The following DMXL2 variants were observed in gnomAD, a reference collection of about 807,000 sequenced individuals.
DMXL2 encodes Dmx like 2, also known as dmX-like protein 2.
Under a neutral mutation model 331.1 loss-of-function variants are expected in DMXL2, and 103 were observed. The ratio of observed to expected loss-of-function variants is 0.31; its 90% CI spans 0.27 to 0.37. DMXL2 has a LOEUF of 0.37. Ranked by LOEUF, DMXL2 falls within the 10% of genes least tolerant of loss-of-function variation. The pLI is 1.00. For missense variants in DMXL2, 3,171 were observed against 3,642.9 expected, an observed-to-expected ratio of 0.87 and a Z score of 3.33; for synonymous variants, 1,281 against 1,252.1, an observed-to-expected ratio of 1.02 and a Z score of -0.49.
chr15:51,564,349 T>A, intron 4 of DMXL2, 89 bp from the exon 5 acceptor site: 2 of 997,626 alleles, frequency 2.0e-6, no homozygotes, highest in Non-Finnish European at 2.7e-6. Flanking sequence ...TGTAAACTAT[T>A]AATATTATGT....
chr15:51,520,839 A>G (rs2047317325), intron 13 of DMXL2, among the ~76,000 whole-genome samples: 1 of 152,206 alleles, frequency 6.6e-6, no homozygotes. Context: ...CCTGGATGAC[A>G]GAGCAAGATT....
rs1015948914 is a variant in DMXL2 at position 51,464,893 on chromosome 15, T to C, written c.7607-17A>G. On this transcript the variant is annotated splice_polypyrimidine_tract_variant and intron_variant, in intron 31 of 43. Coordinates refer to ENST00000560891, the MANE Select transcript of DMXL2 (RefSeq NM_001378457.1). ...CAGGCAGCTCTACAAGGTGACAGAA[T>C]ATGTTATTTATTTTAATAAAAAATA... is the stretch of plus-strand genomic sequence containing the variant. The C allele has an allele frequency of 6.4e-7, 1 of 1,572,574 alleles. No homozygotes were observed. Among genetic ancestry groups the C allele is most frequent in the Non-Finnish European group, 8.7e-7 (1 of 1,155,516 alleles).
intron 17 of DMXL2, among the ~76,000 whole-genome samples, chr15:51,501,078 C>T (rs2043559146): frequency 1.3e-5 from 2 of 152,128 alleles, no homozygotes; most frequent in African/African-American, 4.8e-5. Context: ...CTCCAATAAA[C>T]TTATTTGAGT....
rs557928788 is a variant in DMXL2 at position 51,477,551 on chromosome 15, A to G, written c.6833+720T>C. On this transcript the variant is annotated intron_variant, in intron 26 of 43. Transcript: ENST00000560891. The stretch of plus-strand genomic sequence containing the variant: ...GATAGATAATTCTTTACTTGATACC[A>G]AATGTTCCCACAAAAGGCTGCTACC... 2.0e-5 allele frequency among the ~76,000 whole-genome samples: 3 copies of G among 152,166 alleles called. No homozygotes were observed. In the South Asian group the frequency reaches 6.2e-4, roughly 32 times the overall value.
chr15:51,616,756 G>A lies in DMXL2; in HGVS notation c.87+5703C>T, dbSNP rs187031514. On this transcript the variant is annotated intron_variant, in intron 1 of 43. Transcript: ENST00000560891. ...AGTTCAAGCCAGCCTGGCCAACATC[G>A]TGAAATCCTGTCTCTACTAAAAATA... Among the ~76,000 whole-genome samples the A allele has an allele frequency of 4.6e-3, 701 of 152,004 alleles. 3 individuals carry two copies. Among genetic ancestry groups the A allele is most frequent in the Non-Finnish European group, 7.8e-3 (529 of 67,958 alleles).
chr15:51,487,738 G>A (rs930315727), intron 22 of DMXL2, among the ~76,000 whole-genome samples: 2 of 152,138 alleles, frequency 1.3e-5, no homozygotes, highest in Admixed American at 6.5e-5. Context: ...GATTACAGGC[G>A]TGAGCCACCA....
intron 28 of DMXL2, among the ~76,000 whole-genome samples, chr15:51,472,799 G>A (rs1174695547): frequency 6.6e-6 from 1 of 152,110 alleles, no homozygotes; most frequent in African/African-American, 2.4e-5. Flanking sequence ...TCTTTTAAGT[G>A]AACTAGCCTC....
intron 31 of DMXL2, 134 bp from the exon 32 acceptor site, chr15:51,465,010 G>C: frequency 1.2e-6 from 1 of 803,474 alleles, no homozygotes; most frequent in Non-Finnish European, 1.9e-6. Context: ...ATGTAATACA[G>C]TTTAGATTCT....
At chr15:51,573,552 TG>T (rs2050810904) in intron 2 of DMXL2, among the ~76,000 whole-genome samples, 11 of 152,250 alleles carry the variant, frequency 7.2e-5, no homozygotes, top group African/African-American at 2.4e-4. Flanking sequence ...TGCAGGGACA[TG>T]GAAGAAGCTG....
intron 1 of DMXL2, among the ~76,000 whole-genome samples, chr15:51,618,694 T>C (rs1225727549): frequency 1.3e-5 from 2 of 152,252 alleles, no homozygotes; most frequent in Non-Finnish European, 2.9e-5. Context: ...AAGTAACTTT[T>C]GCAAAGAAAA....
In DMXL2 at chr15:51,543,765, T is replaced by C. The variant is rs192470092; in HGVS notation, c.931-1258A>G. Among the ~76,000 whole-genome samples the C allele has an allele frequency of 7.2e-5, 11 of 152,236 alleles. No individual in the cohort carries two copies. In the East Asian group the frequency reaches 1.5e-3, roughly 21 times the overall value. ...ACTATCTTAACATATTAATTAATAA[T>C]ATTAATAAAAGACAGTAAAAACTTG... On this transcript the variant is annotated intron_variant, in intron 8 of 43. Coordinates refer to ENST00000560891, the MANE Select transcript of DMXL2 (RefSeq NM_001378457.1).
rs79710955 is a variant in DMXL2 at position 51,581,908 on chromosome 15, T to C, written c.88-5727A>G. On this transcript the variant is annotated intron_variant, in intron 1 of 43. Transcript: ENST00000560891. ...ACCAAAAAAAAGAAACAAAACCTGA[T>C]AAATCAAGGTGTACTAAGCATGTTG... is the stretch of plus-strand genomic sequence containing the variant. 2.6e-3 allele frequency among the ~76,000 whole-genome samples: 400 copies of C among 152,152 alleles called. 17 individuals carry two copies. In the East Asian group the frequency reaches 0.062, roughly 24 times the overall value.
chr15:51,547,115 TGATGCCAG>T lies in DMXL2; in HGVS notation c.746+107_746+114del, dbSNP rs72283649. 136,595 of 931,916 alleles carry T rather than the reference TGATGCCAG, an allele frequency of 0.15. 10,034 individuals carry two copies. Among genetic ancestry groups the T allele is most frequent in the South Asian group, 0.18 (8,359 of 47,398 alleles). The allele number at this position is 931,916 out of a possible 1,614,324, so 57.7% of individuals were successfully genotyped here. ...TAGTAGGATTTGATTTCAGGCAGCTTGATGCCAGAGCCTATGCTATTAATTGCCACCAT... is the reference window on the plus strand; with the variant it reads ...TAGTAGGATTTGATTTCAGGCAGCTTAGCCTATGCTATTAATTGCCACCAT... On this transcript the variant is annotated intron_variant, in intron 7 of 43. Coordinates refer to ENST00000560891, the MANE Select transcript of DMXL2 (RefSeq NM_001378457.1).
intron 23 of DMXL2, among the ~76,000 whole-genome samples, chr15:51,483,214 G>A (rs1180157054): frequency 6.6e-6 from 1 of 152,198 alleles, no homozygotes; most frequent in Non-Finnish European, 1.5e-5. Flanking sequence ...AGGAGCATAA[G>A]GTGTGTGCCC....
chr15:51,547,465 A>G (rs1437302109), intron 6 of DMXL2, 57 bp from the exon 7 acceptor site: 2 of 1,283,462 alleles, frequency 1.6e-6, no homozygotes, highest in African/African-American at 1.5e-5. Context: ...TTCAAAATTT[A>G]AGTGGTTTGA....
chr15:51,542,265 T>C (rs1219068490), intron 9 of DMXL2, 68 bp downstream of exon 9: 9 of 1,427,220 alleles, frequency 6.3e-6, no homozygotes, highest in African/African-American at 1.4e-5. Context: ...GTTATGAAAG[T>C]AGTTCCACTT....
intron 1 of DMXL2, among the ~76,000 whole-genome samples, chr15:51,611,466 C>T (rs536449166): frequency 6.6e-6 from 1 of 152,292 alleles, no homozygotes; most frequent in South Asian, 2.1e-4. Context: ...TCCATGAGGC[C>T]TCAGTCCAAT....
chr15:51,452,546 C>T (rs956532342), intron 41 of DMXL2, among the ~76,000 whole-genome samples: 3 of 152,104 alleles, frequency 2.0e-5, no homozygotes, highest in African/African-American at 7.2e-5. Flanking sequence ...CAATACGATA[C>T]CACCTTATTC....
At chr15:51,600,752 A>G (rs2053168848) in intron 1 of DMXL2, among the ~76,000 whole-genome samples, 1 of 152,218 alleles carries the variant, frequency 6.6e-6, no homozygotes, top group African/African-American at 2.4e-5. Context: ...CCACAAGGGT[A>G]TCTGCCAGTA....
Sources: gnomAD v4.1 joint callset for allele counts (sites outside exome capture counted in the v4.1 genomes callset) on GRCh38, gnomAD v4.1.1 for gene constraint, MANE v1.5 for transcripts, NCBI Gene and HGNC (gene_info 2026-07-23, HGNC 2026-07-21) for gene names.